CNTN5: variants seen among roughly 807,000 people sequenced by gnomAD.
CNTN5 encodes contactin 5.
Under a neutral mutation model 129.1 loss-of-function variants are expected in CNTN5, and 77 were observed. That is an observed-to-expected ratio of 0.60 (90% CI 0.50 to 0.72). The LOEUF (loss-of-function observed/expected upper bound fraction) is 0.72. Ranked by LOEUF, CNTN5 falls within the 30% of genes least tolerant of loss-of-function variation. The pLI is 0.00. For missense variants in CNTN5, 1,478 were observed against 1,328.8 expected (o/e 1.11, Z -1.75); for synonymous variants, 509 against 465.6 (o/e 1.09, Z -1.20).
intron 21 of CNTN5, among the ~76,000 whole-genome samples, chr11:100,313,282 G>A (rs1269428753): frequency 2.0e-5 from 3 of 151,968 alleles, no homozygotes; most frequent in South Asian, 2.1e-4. Flanking sequence ...ATCCAAGCAA[G>A]AAATGATGGT....
At chr11:99,286,164 T>G (rs1863933951) in intron 1 of CNTN5, among the ~76,000 whole-genome samples, 2 of 152,198 alleles carry the variant, frequency 1.3e-5, no homozygotes, top group Admixed American at 6.5e-5. Flanking sequence ...GAAGCAGATT[T>G]GGCAAAAATC....
chr11:99,425,394 C>A (rs531592502), intron 2 of CNTN5, among the ~76,000 whole-genome samples: 3 of 152,226 alleles, frequency 2.0e-5, no homozygotes, highest in Non-Finnish European at 4.4e-5. Context: ...AACATGCCAT[C>A]CATGGCGCCA....
At chr11:99,914,807 A>G (rs978688084) in intron 6 of CNTN5, among the ~76,000 whole-genome samples, 2 of 152,088 alleles carry the variant, frequency 1.3e-5, no homozygotes, top group Non-Finnish European at 2.9e-5. Context: ...GATGTGTTTA[A>G]GAAGATTTGG....
At chr11:99,370,171 A>G (rs2136130170) in intron 2 of CNTN5, among the ~76,000 whole-genome samples, 1 of 152,344 alleles carries the variant, frequency 6.6e-6, no homozygotes, top group Non-Finnish European at 1.5e-5. Context: ...AAAGCCTGAG[A>G]GTCAGGAAAG....
At chr11:99,922,997 C>G (rs563598469) in intron 7 of CNTN5, among the ~76,000 whole-genome samples, 4 of 152,266 alleles carry the variant, frequency 2.6e-5, no homozygotes, top group African/African-American at 9.6e-5. Flanking sequence ...GTAGCAGCTA[C>G]TATGATTCAG....
At chr11:99,471,522 A>G (rs1416375062) in intron 2 of CNTN5, among the ~76,000 whole-genome samples, 1 of 152,092 alleles carries the variant, frequency 6.6e-6, no homozygotes. Flanking sequence ...AGCACAGATT[A>G]TTCTTAACCC....
chr11:99,154,870 C>A (rs1395361411), intron 1 of CNTN5, among the ~76,000 whole-genome samples: 2 of 152,088 alleles, frequency 1.3e-5, no homozygotes, highest in Admixed American at 1.3e-4. Flanking sequence ...TGGTGGTCAC[C>A]CTCAGGCTAA....
intron 6 of CNTN5, among the ~76,000 whole-genome samples, chr11:99,862,826 C>A (rs1948250122): frequency 6.6e-6 from 1 of 151,916 alleles, no homozygotes; most frequent in South Asian, 2.1e-4. Context: ...CCTACTAAAA[C>A]CTCATTTAAT....
rs972152542 is a variant in CNTN5, at chr11:99,651,231, AAACAATC to A, written c.55+94964_55+94970del. ...AGTTATGTTAAAACAGAAATCCCAC[AAACAATC>A]ATCAAAAATTTAGTAAAATTGATAA... On this transcript the variant is annotated intron_variant, in intron 3 of 24. Coordinates refer to ENST00000524871, the MANE Select transcript of CNTN5 (RefSeq NM_014361.4). 1.6e-3 allele frequency among the ~76,000 whole-genome samples: 41 copies of A among 25,040 alleles called. No individual in the cohort carries two copies. The East Asian group carries it at 0.03, about 19-fold the overall frequency. The allele number at this position is 25,040 out of a possible 152,430, so 16.4% of individuals were successfully genotyped here.
chr11:99,681,830 C>T (rs979465089), intron 3 of CNTN5, among the ~76,000 whole-genome samples: 1 of 151,936 alleles, frequency 6.6e-6, no homozygotes, highest in African/African-American at 2.4e-5. Flanking sequence ...AACTCCAAAA[C>T]ATATCTTAGT....
intron 2 of CNTN5, among the ~76,000 whole-genome samples, chr11:99,549,282 T>G (rs1948403468): frequency 6.6e-6 from 1 of 152,148 alleles, no homozygotes; most frequent in Admixed American, 6.5e-5. Context: ...TTCTATTTAT[T>G]CCCATAGTTT....
chr11:99,677,066 G>A (rs997580417), intron 3 of CNTN5, among the ~76,000 whole-genome samples: 5 of 148,820 alleles, frequency 3.4e-5, no homozygotes, highest in Non-Finnish European at 7.6e-5. Flanking sequence ...AAATAAAAAC[G>A]TTCTAAATCT....
At chr11:99,237,171 T>G (rs779523633) in intron 1 of CNTN5, among the ~76,000 whole-genome samples, 73 of 152,042 alleles carry the variant, frequency 4.8e-4, no homozygotes, top group Non-Finnish European at 9.1e-4. Context: ...CATTGAAAAA[T>G]ATATATCTAC....
chr11:99,279,129 A>G (rs184033777), intron 1 of CNTN5, among the ~76,000 whole-genome samples: 5 of 151,880 alleles, frequency 3.3e-5, no homozygotes, highest in Non-Finnish European at 7.4e-5. Context: ...TGTTATTTCA[A>G]TATTTCCACT....
chr11:100,248,488 G>A (rs1221481825), intron 16 of CNTN5, among the ~76,000 whole-genome samples: 1 of 152,114 alleles, frequency 6.6e-6, no homozygotes, highest in Non-Finnish European at 1.5e-5. Context: ...CAAAGCAAGA[G>A]TGAGCTAGGA....
intron 2 of CNTN5, among the ~76,000 whole-genome samples, chr11:99,476,220 T>A (rs1201215463): frequency 6.6e-6 from 1 of 152,082 alleles, no homozygotes; most frequent in Admixed American, 6.6e-5. Flanking sequence ...CAAGATAAGA[T>A]AATTATCACT....
chr11:99,503,743 T>C (rs1946511871), intron 2 of CNTN5, among the ~76,000 whole-genome samples: 1 of 152,160 alleles, frequency 6.6e-6, no homozygotes, highest in African/African-American at 2.4e-5. Context: ...TAAATAGATC[T>C]ATATCTATTA....
chr11:100,061,796 A>G (rs1943495080), intron 10 of CNTN5, among the ~76,000 whole-genome samples: 1 of 152,208 alleles, frequency 6.6e-6, no homozygotes, highest in Non-Finnish European at 1.5e-5. Flanking sequence ...ATGTTGGAAC[A>G]AAGTCACACC....
chr11:99,857,290 C>A (rs545212638), intron 6 of CNTN5, among the ~76,000 whole-genome samples: 6 of 152,108 alleles, frequency 3.9e-5, no homozygotes, highest in African/African-American at 1.4e-4. Context: ...CTACCTCTAA[C>A]ATGTAAGATC....
Sources: allele counts gnomAD v4.1 joint callset (sites outside exome capture counted in the v4.1 genomes callset), GRCh38; gene constraint gnomAD v4.1.1; transcripts MANE v1.5; gene names NCBI Gene and HGNC (gene_info 2026-07-23, HGNC 2026-07-21).